The following C1orf87 variants were observed in gnomAD, a reference collection of about 807,000 sequenced individuals.
The protein encoded by C1orf87 is uncharacterized protein C1orf87.
C1orf87 carries 58 observed loss-of-function variants against 60.5 expected under a neutral mutation model. The ratio of observed to expected loss-of-function variants is 0.96; its 90% CI spans 0.78 to 1.19. The LOEUF is 1.19. C1orf87 is among the 50% of genes most tolerant of loss of function. The probability of loss-of-function intolerance (pLI) is 0.00; values close to 1 mark genes in which losing one functional copy is unlikely to be tolerated. For missense variants in C1orf87, 673 were observed against 638.6 expected, an observed-to-expected ratio of 1.05 and a Z score of -0.58; for synonymous variants, 236 against 227.4, an observed-to-expected ratio of 1.04 and a Z score of -0.34.
chr1:60,044,849 G>A (rs750327729), intron 3 of C1orf87, among the ~76,000 whole-genome samples: 2 of 152,096 alleles, frequency 1.3e-5, no homozygotes, highest in Admixed American at 6.6e-5. Context: ...ACAAAATACC[G>A]CTTGGGGACC....
At chr1:60,035,593 G>A (rs1303818205) in intron 6 of C1orf87, among the ~76,000 whole-genome samples, 2 of 152,204 alleles carry the variant, frequency 1.3e-5, no homozygotes, top group African/African-American at 2.4e-5. Flanking sequence ...CATCAGTCCT[G>A]TATTTCTACA....
intron 10 of C1orf87, among the ~76,000 whole-genome samples, chr1:59,998,551 C>A (rs1389791457): frequency 6.6e-6 from 1 of 152,148 alleles, no homozygotes; most frequent in Non-Finnish European, 1.5e-5. Context: ...ATTATTTGAT[C>A]TGCCCAGCCC....
intron 6 of C1orf87, among the ~76,000 whole-genome samples, chr1:60,035,195 A>AC (rs1269724415): frequency 6.6e-6 from 1 of 152,124 alleles, no homozygotes; most frequent in Non-Finnish European, 1.5e-5. Context: ...AGGGCACATG[A>AC]CCCAAACACT....
At chr1:60,060,182 T>C (rs1391101182) in intron 2 of C1orf87, among the ~76,000 whole-genome samples, 1 of 151,824 alleles carries the variant, frequency 6.6e-6, no homozygotes, top group Admixed American at 6.6e-5. Flanking sequence ...TTCATTCAAC[T>C]CCTGAACCTA....
At chr1:60,041,186 GAA>G in intron 3 of C1orf87, 55 bp from the exon 4 acceptor site, 2 of 1,400,094 alleles carry the variant, frequency 1.4e-6, no homozygotes, top group Non-Finnish European at 1.9e-6. Flanking sequence ...GTAGGGAAGA[GAA>G]AGAGGAAAGA....
At chr1:60,011,712 A>G (rs1645086396) in intron 8 of C1orf87, among the ~76,000 whole-genome samples, 1 of 152,132 alleles carries the variant, frequency 6.6e-6, no homozygotes, top group South Asian at 2.1e-4. Flanking sequence ...GAAAAGTTCT[A>G]ATGTCATATG....
chr1:59,997,924 A>AGTTT (rs1644974878), intron 10 of C1orf87, 108 bp from the exon 11 acceptor site: 1 of 1,074,164 alleles, frequency 9.3e-7, no homozygotes, highest in East Asian at 2.6e-5. Flanking sequence ...GCAAGGTTTG[A>AGTTT]GTTTGGAAAG....
At chr1:60,026,450 C>G (rs551806555) in intron 7 of C1orf87, among the ~76,000 whole-genome samples, 2 of 150,604 alleles carry the variant, frequency 1.3e-5, no homozygotes, top group Admixed American at 1.3e-4. Context: ...AAAGAAAAGA[C>G]AGAAGGAGGA....
In C1orf87 at chr1:60,018,097, GT is replaced by G. The variant is rs2100266486; in HGVS notation, c.1127+7303del. 2.0e-5 allele frequency among the ~76,000 whole-genome samples: 3 copies of G among 152,252 alleles called. No individual in the cohort carries two copies. In the East Asian group the frequency reaches 5.8e-4, roughly 29 times the overall value. ...TAGCAAGCAGCCACATTCCAAATGG[GT>G]TCCCAATTGAACAGCAGATTAATGG... On this transcript the variant is annotated intron_variant, in intron 8 of 11. Transcript: ENST00000371201.
chr1:60,040,848 T>C (rs1645318494), intron 4 of C1orf87, 143 bp downstream of exon 4: 1 of 842,464 alleles, frequency 1.2e-6, no homozygotes, highest in East Asian at 3.0e-5. Context: ...CCAGCTTGGC[T>C]TCTCAAAGTG....
chr1:60,017,093 G>A (rs1214072457), intron 8 of C1orf87, among the ~76,000 whole-genome samples: 1 of 152,164 alleles, frequency 6.6e-6, no homozygotes, highest in Non-Finnish European at 1.5e-5. Flanking sequence ...TCTCTGTGCT[G>A]CTGTGCCTCA....
intron 6 of C1orf87, among the ~76,000 whole-genome samples, chr1:60,034,098 GCCT>G (rs1645258354): frequency 6.6e-6 from 1 of 152,122 alleles, no homozygotes; most frequent in Non-Finnish European, 1.5e-5. Context: ...TACCAAGACA[GCCT>G]AGTTCCCTGG....
chr1:59,992,246 AT>A lies in C1orf87; in HGVS notation c.1481-1414del, dbSNP rs375062978. Among the ~76,000 whole-genome samples, 458 of 150,580 alleles carry A rather than the reference AT, an allele frequency of 3.0e-3. 1 individual carries two copies. The highest frequency in any genetic ancestry group is 0.011 in the African/African-American group (443 of 41,040). On this transcript the variant is annotated intron_variant, in intron 11 of 11. Transcript: ENST00000371201. ...GGTCTATTTATTTATTTATTTATTT[AT>A]TTATTTATTTATTTATTTTTTATTT... is the stretch of plus-strand genomic sequence containing the variant.
chr1:60,060,991 C>T (rs1192764645), intron 2 of C1orf87, among the ~76,000 whole-genome samples: 1 of 152,184 alleles, frequency 6.6e-6, no homozygotes, highest in East Asian at 1.9e-4. Flanking sequence ...AACTGCCTGG[C>T]CTCTTCACCA....
At chr1:59,993,627 A>G (rs976338120) in intron 11 of C1orf87, among the ~76,000 whole-genome samples, 1 of 152,130 alleles carries the variant, frequency 6.6e-6, no homozygotes, top group Non-Finnish European at 1.5e-5. Context: ...TGAAATTTGT[A>G]TCTGTCTAAT....
intron 7 of C1orf87, among the ~76,000 whole-genome samples, chr1:60,032,902 C>T (rs769387356): frequency 2.6e-5 from 4 of 152,116 alleles, no homozygotes; most frequent in Non-Finnish European, 5.9e-5. Context: ...TGAGGTGTTG[C>T]TAACAGAGTT....
At chr1:60,032,310 C>T (rs1451884309) in intron 7 of C1orf87, among the ~76,000 whole-genome samples, 1 of 152,094 alleles carries the variant, frequency 6.6e-6, no homozygotes, top group Non-Finnish European at 1.5e-5. Context: ...CAGATATCTT[C>T]TACCTAATGA....
intron 8 of C1orf87, among the ~76,000 whole-genome samples, chr1:60,023,491 C>A (rs1645178007): frequency 6.6e-6 from 1 of 151,938 alleles, no homozygotes; most frequent in South Asian, 2.1e-4. Context: ...AAACAGTTTT[C>A]TTTCAGGTAT....
At chr1:59,995,247 A>G (rs1023150920) in intron 11 of C1orf87, among the ~76,000 whole-genome samples, 24 of 152,258 alleles carry the variant, frequency 1.6e-4, no homozygotes, top group Middle Eastern at 6.8e-3. Context: ...TTTTTTTAAA[A>G]AATGTTTTGT....
Sources: gnomAD v4.1 joint callset for allele counts (sites outside exome capture counted in the v4.1 genomes callset) on GRCh38, gnomAD v4.1.1 for gene constraint, MANE v1.5 for transcripts, NCBI Gene and HGNC (gene_info 2026-07-23, HGNC 2026-07-21) for gene names.